The following KIAA0825 variants were observed in gnomAD, a reference collection of about 807,000 sequenced individuals.
The protein encoded by KIAA0825 is KIAA0825.
In KIAA0825, 119 loss-of-function variants were observed where a neutral mutation model predicts 147.6. That is an observed-to-expected ratio of 0.81 (90% CI 0.69 to 0.94). The LOEUF (loss-of-function observed/expected upper bound fraction) is 0.94, where lower values mean the gene tolerates loss of function less well. Among genes scored for constraint, KIAA0825 ranks in the 40% least tolerant of loss-of-function variants. The pLI is 0.00. For missense variants in KIAA0825, 1,381 were observed against 1,472.7 expected, an observed-to-expected ratio of 0.94 and a Z score of 1.02; for synonymous variants, 470 against 518.1, an observed-to-expected ratio of 0.91 and a Z score of 1.26.
intron 6 of KIAA0825, among the ~76,000 whole-genome samples, chr5:94,482,633 G>T (rs1254325513): frequency 6.6e-6 from 1 of 152,010 alleles, no homozygotes; most frequent in African/African-American, 2.4e-5. Flanking sequence ...GATAAGAATT[G>T]ATTAACTTGG....
intron 20 of KIAA0825, among the ~76,000 whole-genome samples, chr5:94,327,795 C>A (rs1780848492): frequency 1.3e-5 from 2 of 152,048 alleles, no homozygotes; most frequent in Non-Finnish European, 2.9e-5. Context: ...ATCATGAGGT[C>A]AAGAGATCAA....
chr5:94,310,866 A>T (rs1779108604), intron 20 of KIAA0825, among the ~76,000 whole-genome samples: 1 of 151,678 alleles, frequency 6.6e-6, no homozygotes, highest in Non-Finnish European at 1.5e-5. Flanking sequence ...TGCTTATTTC[A>T]TCAGAAAAAT....
chr5:94,466,458 ACCT>A (rs1206096724), intron 10 of KIAA0825, among the ~76,000 whole-genome samples: 1 of 152,040 alleles, frequency 6.6e-6, no homozygotes, highest in African/African-American at 2.4e-5. Context: ...GAAATTACAC[ACCT>A]GTAATCCCAG....
At chr5:94,411,968 C>T (rs1451670032) in intron 15 of KIAA0825, among the ~76,000 whole-genome samples, 1 of 151,048 alleles carries the variant, frequency 6.6e-6, no homozygotes, top group Non-Finnish European at 1.5e-5. Flanking sequence ...AACTGATAAA[C>T]TGGACTCATC....
intron 20 of KIAA0825, among the ~76,000 whole-genome samples, chr5:94,240,101 C>T (rs1158800761): frequency 1.3e-5 from 2 of 152,216 alleles, no homozygotes; most frequent in African/African-American, 4.8e-5. Context: ...AGAAATTTTT[C>T]ACCCTGTTTA....
intron 20 of KIAA0825, among the ~76,000 whole-genome samples, chr5:94,282,294 G>T (rs1777500987): frequency 6.6e-6 from 1 of 151,940 alleles, no homozygotes; most frequent in Middle Eastern, 3.4e-3. Context: ...ATTCCAGGTG[G>T]ATTTTTTTTA....
At chr5:94,608,477 A>ATTATATATATAT (rs1788004094) in intron 1 of KIAA0825, among the ~76,000 whole-genome samples, 1 of 32,562 alleles carries the variant, frequency 3.1e-5, no homozygotes, top group Non-Finnish European at 5.2e-5. Flanking sequence ...TATATATAAT[A>ATTATATATATAT]TATATATATA....
At chr5:94,572,566 GA>G (rs1780178604) in intron 2 of KIAA0825, among the ~76,000 whole-genome samples, 1 of 151,962 alleles carries the variant, frequency 6.6e-6, no homozygotes, top group Non-Finnish European at 1.5e-5. Flanking sequence ...ACTCAAAAAC[GA>G]AAAATCTGCA....
intron 20 of KIAA0825, among the ~76,000 whole-genome samples, chr5:94,186,251 A>T (rs1445292778): frequency 6.6e-6 from 1 of 152,222 alleles, no homozygotes; most frequent in Non-Finnish European, 1.5e-5. Flanking sequence ...TTATTTGCAT[A>T]TAAGTTTAGT....
chr5:94,293,051 A>T (rs899005327), intron 20 of KIAA0825, among the ~76,000 whole-genome samples: 2 of 95,200 alleles, frequency 2.1e-5, no homozygotes, highest in East Asian at 6.4e-4. Flanking sequence ...GTTAATCTTT[A>T]AAAAAAAACA....
chr5:94,363,864 C>T (rs991641536), intron 20 of KIAA0825, among the ~76,000 whole-genome samples: 5 of 151,602 alleles, frequency 3.3e-5, no homozygotes, highest in South Asian at 2.1e-4. Context: ...CAAGATTTAT[C>T]TCTAAAAAAA....
Position 94,519,665 on chromosome 5 carries a change from T to G in KIAA0825, c.970+583A>C, listed in dbSNP as rs905686672. On this transcript the variant is annotated intron_variant, in intron 5 of 20. Transcript: ENST00000682413. ...TACAGAATTTTATAATTATAGTATTTCATAGTTGCTCATTATTAGAATTGA... is the reference window on the plus strand; with the variant it reads ...TACAGAATTTTATAATTATAGTATTGCATAGTTGCTCATTATTAGAATTGA... The G allele has an allele frequency of 1.2e-5, 8 of 653,502 alleles. No individual in the cohort carries two copies. The African/African-American group carries it at 1.6e-4, about 13-fold the overall frequency. The allele number at this position is 653,502 out of a possible 1,614,324, so 40.5% of individuals were successfully genotyped here.
intron 6 of KIAA0825, among the ~76,000 whole-genome samples, chr5:94,479,992 C>A (rs765782096): frequency 6.6e-6 from 1 of 152,016 alleles, no homozygotes; most frequent in Non-Finnish European, 1.5e-5. Context: ...AGTTCTTTAT[C>A]ATATATGTGT....
intron 2 of KIAA0825, among the ~76,000 whole-genome samples, chr5:94,553,622 C>T (rs1389007398): frequency 6.2e-5 from 9 of 146,190 alleles, no homozygotes; most frequent in East Asian, 2.1e-4. Flanking sequence ...AAAAATTAGC[C>T]GGGCATGGTG....
chr5:94,216,374 T>C (rs1051449898), intron 20 of KIAA0825, among the ~76,000 whole-genome samples: 2 of 152,100 alleles, frequency 1.3e-5, no homozygotes, highest in Non-Finnish European at 2.9e-5. Flanking sequence ...GGAATAGAGA[T>C]GAGAAACGTT....
At chr5:94,486,757 A>G (rs539828091) in intron 5 of KIAA0825, among the ~76,000 whole-genome samples, 17 of 152,276 alleles carry the variant, frequency 1.1e-4, no homozygotes, top group South Asian at 2.1e-4. Context: ...TGTTTTATTT[A>G]GTTGGTACTT....
chr5:94,494,367 C>T (rs1764110330), intron 5 of KIAA0825, among the ~76,000 whole-genome samples: 1 of 121,030 alleles, frequency 8.3e-6, no homozygotes, highest in African/African-American at 3.2e-5. Flanking sequence ...GAATATCTAA[C>T]TACTGATGTG....
intron 1 of KIAA0825, among the ~76,000 whole-genome samples, chr5:94,591,068 C>T (rs1784266329): frequency 6.6e-6 from 1 of 151,996 alleles, no homozygotes; most frequent in Non-Finnish European, 1.5e-5. Context: ...CCAGATATAC[C>T]TTAAAAAGGT....
intron 20 of KIAA0825, among the ~76,000 whole-genome samples, chr5:94,245,813 C>T (rs1583953540): frequency 6.6e-6 from 1 of 152,052 alleles, no homozygotes; most frequent in East Asian, 1.9e-4. Context: ...CTTGAGAAAC[C>T]ACAATTCTTA....
Sources: gnomAD v4.1 joint callset for allele counts (sites outside exome capture counted in the v4.1 genomes callset) on GRCh38, gnomAD v4.1.1 for gene constraint, MANE v1.5 for transcripts, NCBI Gene and HGNC (gene_info 2026-07-23, HGNC 2026-07-21) for gene names.